SYT13: variants seen among roughly 807,000 people sequenced by gnomAD.
SYT13 encodes the protein synaptotagmin-13.
SYT13 carries 21 observed loss-of-function variants against 38.6 expected under a neutral mutation model. The observed-to-expected ratio is 0.54, with a 90% CI of 0.39 to 0.78. The LOEUF (loss-of-function observed/expected upper bound fraction) is 0.78, where lower values mean the gene tolerates loss of function less well. Among genes scored for constraint, SYT13 ranks in the 30% least tolerant of loss-of-function variants. The pLI is 0.00. For synonymous variants in SYT13, 241 were observed against 237.6 expected (o/e 1.01, Z -0.13); for missense variants, 495 against 548.7 (o/e 0.90, Z 0.98).
At chr11:45,249,062 A>G (rs1457573314) in intron 4 of SYT13, among the ~76,000 whole-genome samples, 1 of 151,026 alleles carries the variant, frequency 6.6e-6, no homozygotes, top group Non-Finnish European at 1.5e-5. Flanking sequence ...AAGAAAAAAA[A>G]CAAACAGCCC....
intron 1 of SYT13, among the ~76,000 whole-genome samples, chr11:45,258,814 A>T (rs565767050): frequency 1.6e-4 from 25 of 152,244 alleles, no homozygotes; most frequent in Admixed American, 1.5e-3. Context: ...CTGACAGCAG[A>T]TGCTCAGGGT....
intron 1 of SYT13, among the ~76,000 whole-genome samples, chr11:45,257,719 A>C (rs1854765782): frequency 6.6e-6 from 1 of 152,154 alleles, no homozygotes; most frequent in East Asian, 1.9e-4. Context: ...CCTGAAGGAG[A>C]CCGGACCTAG....
chr11:45,281,478 C>A (rs1281365723), intron 1 of SYT13, among the ~76,000 whole-genome samples: 1 of 152,080 alleles, frequency 6.6e-6, no homozygotes, highest in African/African-American at 2.4e-5. Flanking sequence ...CCAGCCTAGC[C>A]AACATGGCAA....
chr11:45,245,456 G>GCATTGAA (rs1854602655), intron 5 of SYT13, among the ~76,000 whole-genome samples: 1 of 152,218 alleles, frequency 6.6e-6, no homozygotes, highest in African/African-American at 2.4e-5. Flanking sequence ...TGAGATAAAA[G>GCATTGAA]CATTGAACTT....
chr11:45,275,897 G>T (rs1177978958), intron 1 of SYT13, among the ~76,000 whole-genome samples: 1 of 152,188 alleles, frequency 6.6e-6, no homozygotes, highest in African/African-American at 2.4e-5. Context: ...GACAGACAGA[G>T]CAGCAGGTGC....
At chr11:45,285,117 A>G (rs919379306) in intron 1 of SYT13, among the ~76,000 whole-genome samples, 7 of 152,158 alleles carry the variant, frequency 4.6e-5, no homozygotes, top group African/African-American at 1.7e-4. Context: ...ATCCTTCCTC[A>G]AATCACTCTA....
At chr11:45,263,176 A>G (rs982417489) in intron 1 of SYT13, among the ~76,000 whole-genome samples, 1 of 152,218 alleles carries the variant, frequency 6.6e-6, no homozygotes, top group African/African-American at 2.4e-5. Flanking sequence ...CTGAACCTTC[A>G]TTAATGAACA....
At chr11:45,254,704 G>A (rs1209885668) in intron 2 of SYT13, 1 of 269,818 alleles carries the variant, frequency 3.7e-6, no homozygotes, top group Non-Finnish European at 6.9e-6. Flanking sequence ...CTTTGGGTCA[G>A]GGACGATCAT....
intron 1 of SYT13, among the ~76,000 whole-genome samples, chr11:45,285,344 G>T (rs1166436222): frequency 1.3e-5 from 2 of 152,182 alleles, no homozygotes; most frequent in African/African-American, 4.8e-5. Context: ...TGTCTCCAGG[G>T]ACGTCTGCAG....
chr11:45,274,504 A>G (rs1449361017), intron 1 of SYT13, among the ~76,000 whole-genome samples: 2 of 152,218 alleles, frequency 1.3e-5, no homozygotes, highest in African/African-American at 4.8e-5. Context: ...CCTCTCTGAT[A>G]GCTTCCCCTT....
chr11:45,269,349 C>G (rs569879156), intron 1 of SYT13: 1 of 836,352 alleles, frequency 1.2e-6, no homozygotes, highest in Non-Finnish European at 1.5e-6. Flanking sequence ...ACAAAACAAA[C>G]AAACAAACAA....
At chr11:45,263,181 T>C (rs1316980601) in intron 1 of SYT13, among the ~76,000 whole-genome samples, 1 of 152,192 alleles carries the variant, frequency 6.6e-6, no homozygotes, top group Non-Finnish European at 1.5e-5. Flanking sequence ...CCTTCATTAA[T>C]GAACAAATAT....
intron 4 of SYT13, among the ~76,000 whole-genome samples, chr11:45,251,270 TC>T (rs1236533243): frequency 1.1e-4 from 16 of 150,136 alleles, no homozygotes; most frequent in African/African-American, 3.9e-4. Flanking sequence ...GTGGCTGTAA[TC>T]CCAGCTACTC....
chr11:45,269,943 A>T (rs1434843387), intron 1 of SYT13, among the ~76,000 whole-genome samples: 1 of 152,206 alleles, frequency 6.6e-6, no homozygotes, highest in African/African-American at 2.4e-5. Flanking sequence ...CCATGTTGTA[A>T]TCTCATCAAC....
At chr11:45,284,572 T>C (rs1272986438) in intron 1 of SYT13, among the ~76,000 whole-genome samples, 1 of 152,044 alleles carries the variant, frequency 6.6e-6, no homozygotes, top group Non-Finnish European at 1.5e-5. Context: ...GGGCTACTGG[T>C]CATCAATAAG....
chr11:45,285,025 G>A (rs1855117334), intron 1 of SYT13, among the ~76,000 whole-genome samples: 1 of 152,144 alleles, frequency 6.6e-6, no homozygotes, highest in Non-Finnish European at 1.5e-5. Flanking sequence ...GCATTTTAGT[G>A]CCACTCCTGG....
At position 45,244,097 on chromosome 11, in the gene SYT13, T is replaced by G. The variant is rs1469418564; in HGVS notation, c.1236A>C (p.Lys412Asn). The change falls in exon 6 of 6, where the codon AAA becomes AAC. Residue 412 changes from lysine to asparagine, a missense_variant. By Grantham distance (94) the Lys-to-Asn change is moderately conservative. Coordinates refer to ENST00000020926, the MANE Select transcript of SYT13 (RefSeq NM_020826.3). ...ACATGGCAATCTGCCGGCGAGGGTT[T>G]TTGAGCATCTCCTCCCAGTGGCTGC... ...SERSHWEEML[K>N]NPRRQIAMWH... 1 of 1,610,654 alleles carries G rather than the reference T, an allele frequency of 6.2e-7. No homozygotes were observed. Among genetic ancestry groups the G allele is most frequent in the Non-Finnish European group, 8.5e-7 (1 of 1,179,288 alleles).
intron 5 of SYT13, among the ~76,000 whole-genome samples, chr11:45,245,317 G>A (rs1347851429): frequency 1.3e-5 from 2 of 152,198 alleles, no homozygotes; most frequent in East Asian, 1.9e-4. Flanking sequence ...ATTTATTGCT[G>A]TAATTATCAC....
Position 45,263,935 on chromosome 11 carries a change from C to G in SYT13, c.184-8044G>C, listed in dbSNP as rs147980963. Among the ~76,000 whole-genome samples, 5 of 152,178 alleles carry G rather than the reference C, an allele frequency of 3.3e-5. No individual in the cohort carries two copies. In the East Asian group the frequency reaches 5.8e-4, roughly 18 times the overall value. On this transcript the variant is annotated intron_variant, in intron 1 of 5. Coordinates refer to ENST00000020926, the MANE Select transcript of SYT13 (RefSeq NM_020826.3). Reference sequence around the variant, plus strand: ...ATTGAGGCTTAGATAAGATAACTCACGCAGAGCTCTTAGGACAGAGGCTAG... The same window carrying G: ...ATTGAGGCTTAGATAAGATAACTCAGGCAGAGCTCTTAGGACAGAGGCTAG...
Sources: allele counts gnomAD v4.1 joint callset (sites outside exome capture counted in the v4.1 genomes callset), GRCh38; gene constraint gnomAD v4.1.1; transcripts MANE v1.5; gene names NCBI Gene and HGNC (gene_info 2026-07-23, HGNC 2026-07-21).